Variants in COL5A2 observed in about 807,000 individuals in gnomAD.
COL5A2 encodes the protein collagen type V alpha 2 chain.
A neutral mutation model predicts 208.2 loss-of-function variants in COL5A2; 23 were observed. The ratio of observed to expected loss-of-function variants is 0.11; its 90% CI spans 0.08 to 0.16. The LOEUF (loss-of-function observed/expected upper bound fraction) is 0.16. Among genes scored for constraint, COL5A2 ranks in the 10% least tolerant of loss-of-function variants. COL5A2 has a pLI of 1.00. For synonymous variants in COL5A2, 625 were observed against 628.5 expected (o/e 0.99, Z 0.08); for missense variants, 1,590 against 1,956.4 (o/e 0.81, Z 3.53).
intron 2 of COL5A2, among the ~76,000 whole-genome samples, chr2:189,106,172 T>G (rs1482728274): frequency 6.6e-6 from 1 of 151,494 alleles, no homozygotes; most frequent in Non-Finnish European, 1.5e-5. Context: ...TATGTTTATA[T>G]TGAGATCATG....
At chr2:189,174,348 C>T (rs1338393036) in intron 1 of COL5A2, among the ~76,000 whole-genome samples, 3 of 152,202 alleles carry the variant, frequency 2.0e-5, no homozygotes, top group Non-Finnish European at 2.9e-5. Context: ...TAGAATGATT[C>T]GCCTAATCCA....
At chr2:189,322,608 C>T in the COL5A2 span, among the ~76,000 whole-genome samples, 1 of 152,012 alleles carries the variant, frequency 6.6e-6, no homozygotes. Context: ...ACACATACAC[C>T]CTCCCAAGAC....
chr2:189,337,276 G>A, the COL5A2 span, among the ~76,000 whole-genome samples: 4 of 148,354 alleles, frequency 2.7e-5, no homozygotes, highest in Non-Finnish European at 6.0e-5. Context: ...TCCGCCTCCC[G>A]GGTTCACGCC....
chr2:189,065,817 C>T (rs1406500662), intron 23 of COL5A2, among the ~76,000 whole-genome samples: 3 of 152,196 alleles, frequency 2.0e-5, no homozygotes, highest in African/African-American at 7.2e-5. Flanking sequence ...TTTCTGCCCT[C>T]CCAGCTTTGC....
chr2:189,106,968 T>C (rs891186129), intron 2 of COL5A2, among the ~76,000 whole-genome samples: 4 of 151,490 alleles, frequency 2.6e-5, no homozygotes, highest in Non-Finnish European at 4.4e-5. Context: ...AATATGCTAA[T>C]AGACTTAATA....
chr2:189,121,736 CAAAAAA>C (rs3084490), intron 1 of COL5A2, among the ~76,000 whole-genome samples: 3 of 77,700 alleles, frequency 3.9e-5, no homozygotes, highest in African/African-American at 4.9e-5. Flanking sequence ...GACTCCGTCT[CAAAAAA>C]AAAAAAAAAA....
intron 32 of COL5A2, 83 bp from the exon 33 acceptor site, chr2:189,058,610 G>T: frequency 1.6e-6 from 2 of 1,279,040 alleles, no homozygotes; most frequent in Non-Finnish European, 1.1e-6. Context: ...GGCTTCTACT[G>T]CGGAAAAATT....
chr2:189,052,312 C>T (rs1685807068), intron 40 of COL5A2, 87 bp from the exon 41 acceptor site: 2 of 1,234,040 alleles, frequency 1.6e-6, no homozygotes, highest in South Asian at 2.5e-5. Context: ...CACAGGAAGA[C>T]TGAAGCCTTT....
the COL5A2 span, among the ~76,000 whole-genome samples, chr2:189,243,940 C>T: frequency 1.1e-4 from 16 of 152,172 alleles, no homozygotes; most frequent in African/African-American, 3.9e-4. Flanking sequence ...GTGGCTTGCA[C>T]CCTCTGAAGC....
chr2:189,429,091 C>T, the COL5A2 span, among the ~76,000 whole-genome samples: 1 of 152,014 alleles, frequency 6.6e-6, no homozygotes, highest in African/African-American at 2.4e-5. Flanking sequence ...TTGAGGAATG[C>T]TAAGAGAGTC....
chr2:189,128,118 C>T (rs953317442), intron 1 of COL5A2, among the ~76,000 whole-genome samples: 4 of 152,006 alleles, frequency 2.6e-5, no homozygotes, highest in African/African-American at 9.7e-5. Context: ...TAGCTGCCCA[C>T]AGCAATACAC....
chr2:189,066,127 AGGACCAT>A (rs1686142872), intron 23 of COL5A2, among the ~76,000 whole-genome samples: 1 of 152,372 alleles, frequency 6.6e-6, no homozygotes, highest in Non-Finnish European at 1.5e-5. Context: ...CATGAGGACT[AGGACCAT>A]AGCCTTCTTG....
chr2:189,161,273 T>A lies in COL5A2; in HGVS notation c.97+18235A>T, dbSNP rs1400422594. 2.0e-5 allele frequency among the ~76,000 whole-genome samples: 3 copies of A among 152,008 alleles called. No homozygotes were observed. In the East Asian group the frequency reaches 5.8e-4, roughly 29 times the overall value. On this transcript the variant is annotated intron_variant, in intron 1 of 53. Transcript: ENST00000374866. Reference sequence around the variant, plus strand: ...GCTGGATACTCCTCTTATGCCATTCTTTCTCACTGTATTTATTAGACAGCA... The same window carrying A: ...GCTGGATACTCCTCTTATGCCATTCATTCTCACTGTATTTATTAGACAGCA...
the COL5A2 span, among the ~76,000 whole-genome samples, chr2:189,240,454 C>A: frequency 6.6e-6 from 1 of 152,312 alleles, no homozygotes; most frequent in African/African-American, 2.4e-5. Flanking sequence ...GCTGCACCTT[C>A]AAATACTATC....
chr2:189,286,726 T>C, the COL5A2 span, among the ~76,000 whole-genome samples: 1 of 152,150 alleles, frequency 6.6e-6, no homozygotes, highest in Admixed American at 6.6e-5. Context: ...ATGAGCAAAA[T>C]GTAGTTTTTA....
intron 1 of COL5A2, among the ~76,000 whole-genome samples, chr2:189,175,445 G>C (rs970723665): frequency 1.3e-5 from 2 of 151,674 alleles, no homozygotes; most frequent in African/African-American, 2.4e-5. Flanking sequence ...GGAGCCAGGA[G>C]AGGTAGAAAA....
chr2:189,043,633 A>T lies in COL5A2; in HGVS notation c.3364-375T>A, dbSNP rs181969964. Among the ~76,000 whole-genome samples the T allele has an allele frequency of 2.5e-3, 385 of 152,276 alleles. 14 individuals are homozygous for T. The highest frequency in any genetic ancestry group is 3.1e-3 in the Non-Finnish European group (211 of 68,004). ...TATTATATAAAAATATTGCTACCAT[A>T]TATAGATTCTTTTAAATTAAAACAT... On this transcript the variant is annotated intron_variant, in intron 47 of 53. Coordinates refer to ENST00000374866, the MANE Select transcript of COL5A2 (RefSeq NM_000393.5).
In COL5A2 at chr2:189,034,915, C is replaced by G; in HGVS notation, c.4353+1G>C. On this transcript the variant is annotated splice_donor_variant, in intron 53 of 53. Coordinates refer to ENST00000374866, the MANE Select transcript of COL5A2 (RefSeq NM_000393.5). LOFTEE classifies it high-confidence loss of function. ...ATCAATGTAGATCAAAAAGTACTTA[C>G]AGAGCAAGTGTCTTGAAGAACGATA... The G allele has an allele frequency of 6.2e-7, 1 of 1,613,802 alleles. No individual in the cohort carries two copies. Among genetic ancestry groups the G allele is most frequent in the Non-Finnish European group, 8.5e-7 (1 of 1,179,814 alleles).
chr2:189,155,684 TTTTG>T (rs994971013), intron 1 of COL5A2, among the ~76,000 whole-genome samples: 2 of 152,138 alleles, frequency 1.3e-5, no homozygotes, highest in African/African-American at 4.8e-5. Flanking sequence ...AAATATATAT[TTTTG>T]TTTATTTATT....
Sources: gnomAD v4.1 joint callset for allele counts (sites outside exome capture counted in the v4.1 genomes callset) on GRCh38, gnomAD v4.1.1 for gene constraint, MANE v1.5 for transcripts, NCBI Gene and HGNC (gene_info 2026-07-23, HGNC 2026-07-21) for gene names.